NEGR1: variants seen among roughly 807,000 people sequenced by gnomAD.
NEGR1 encodes the protein neuronal growth regulator 1.
In NEGR1, 10 loss-of-function variants were observed where a neutral mutation model predicts 40.9. The observed-to-expected ratio is 0.24, with a 90% CI of 0.15 to 0.42. The LOEUF (loss-of-function observed/expected upper bound fraction) is 0.42. Ranked by LOEUF, NEGR1 falls within the 10% of genes least tolerant of loss-of-function variation. The pLI, the probability that NEGR1 is intolerant of heterozygous loss-of-function variation, is 1.00. For missense variants in NEGR1, 352 were observed against 438.9 expected, an observed-to-expected ratio of 0.80 and a Z score of 1.77; for synonymous variants, 185 against 166.8, an observed-to-expected ratio of 1.11 and a Z score of -0.84.
chr1:71,990,104 C>A (rs1646436566), intron 1 of NEGR1, among the ~76,000 whole-genome samples: 1 of 152,222 alleles, frequency 6.6e-6, no homozygotes, highest in South Asian at 2.1e-4. Flanking sequence ...TATGAAAATG[C>A]AGCTGAAATT....
At chr1:71,574,429 C>T (rs1479194001) in intron 6 of NEGR1, among the ~76,000 whole-genome samples, 1 of 152,106 alleles carries the variant, frequency 6.6e-6, no homozygotes, top group Non-Finnish European at 1.5e-5. Context: ...TTTCTACAGT[C>T]TTTTTTAGCA....
At chr1:71,857,725 T>C (rs2101819692) in intron 2 of NEGR1, among the ~76,000 whole-genome samples, 1 of 151,398 alleles carries the variant, frequency 6.6e-6, no homozygotes, top group Non-Finnish European at 1.5e-5. Context: ...AATAAAGCTC[T>C]ACAGAAATAT....
At chr1:72,201,696 A>G (rs778649756) in intron 1 of NEGR1, among the ~76,000 whole-genome samples, 6 of 151,868 alleles carry the variant, frequency 4.0e-5, no homozygotes, top group Non-Finnish European at 5.9e-5. Flanking sequence ...GTGTCTTAGA[A>G]TCAGTGAAAT....
chr1:71,868,437 AGATAGAT>A (rs1360352935), intron 2 of NEGR1, among the ~76,000 whole-genome samples: 1 of 44,632 alleles, frequency 2.2e-5, no homozygotes, highest in Non-Finnish European at 4.4e-5. Context: ...AGATGATAGA[AGATAGAT>A]AGATAGATAG....
chr1:72,000,426 A>G (rs1033154383), intron 1 of NEGR1, among the ~76,000 whole-genome samples: 2 of 150,970 alleles, frequency 1.3e-5, no homozygotes, highest in Non-Finnish European at 3.0e-5. Context: ...GGCAAAATAT[A>G]AAAAAAAATG....
At chr1:71,745,636 C>T (rs954860791) in intron 3 of NEGR1, among the ~76,000 whole-genome samples, 1 of 152,088 alleles carries the variant, frequency 6.6e-6, no homozygotes, top group African/African-American at 2.4e-5. Context: ...AAGTTTCAGA[C>T]CAGGGAATGA....
chr1:71,797,270 T>C (rs1657367513), intron 2 of NEGR1, among the ~76,000 whole-genome samples: 1 of 152,130 alleles, frequency 6.6e-6, no homozygotes, highest in African/African-American at 2.4e-5. Context: ...ACCAAACTGA[T>C]CATAAGCGGC....
At chr1:71,825,401 T>G (rs1658583139) in intron 2 of NEGR1, among the ~76,000 whole-genome samples, 1 of 151,928 alleles carries the variant, frequency 6.6e-6, no homozygotes, top group African/African-American at 2.4e-5. Flanking sequence ...GTCCCACTTC[T>G]ACACATTTTC....
At chr1:71,688,947 C>T (rs572062279) in intron 4 of NEGR1, among the ~76,000 whole-genome samples, 147 of 152,154 alleles carry the variant, frequency 9.7e-4, no homozygotes, top group Middle Eastern at 3.4e-3. Flanking sequence ...CTAATTTCCC[C>T]AGTATCCCAT....
At chr1:72,052,461 T>C (rs528457264) in intron 1 of NEGR1, among the ~76,000 whole-genome samples, 3 of 151,566 alleles carry the variant, frequency 2.0e-5, no homozygotes, top group South Asian at 4.1e-4. Context: ...TAACCTCTCA[T>C]GGACAGAGCT....
chr1:72,009,869 T>A (rs950033116), intron 1 of NEGR1, among the ~76,000 whole-genome samples: 1 of 151,874 alleles, frequency 6.6e-6, no homozygotes, highest in Non-Finnish European at 1.5e-5. Flanking sequence ...TGTGGGGAAA[T>A]AGCTAAATAC....
At chr1:72,275,649 G>A (rs564465496) in intron 1 of NEGR1, among the ~76,000 whole-genome samples, 2 of 152,190 alleles carry the variant, frequency 1.3e-5, no homozygotes, top group East Asian at 3.9e-4. Flanking sequence ...TTTAACGACA[G>A]TCTTAAATTA....
intron 2 of NEGR1, among the ~76,000 whole-genome samples, chr1:71,803,745 G>C (rs1280850879): frequency 6.6e-6 from 1 of 152,136 alleles, no homozygotes; most frequent in East Asian, 1.9e-4. Context: ...AGTCTTCATA[G>C]AACATACCAC....
chr1:72,240,623 G>A lies in NEGR1; in HGVS notation c.176+41696C>T, dbSNP rs1654701909. 2.0e-5 allele frequency among the ~76,000 whole-genome samples: 3 copies of A among 151,800 alleles called. No homozygotes were observed. In the Admixed American group the frequency reaches 2.0e-4, roughly 10 times the overall value. ...GGAAGTGGCCCAATCAAAGCAAACT[G>A]GACCAGTCAAGAGCAATGATCATGA... On this transcript the variant is annotated intron_variant, in intron 1 of 6. Transcript: ENST00000357731.
intron 1 of NEGR1, among the ~76,000 whole-genome samples, chr1:72,172,775 T>A (rs895797601): frequency 6.6e-6 from 1 of 152,052 alleles, no homozygotes; most frequent in African/African-American, 2.4e-5. Flanking sequence ...GGAATCTGTT[T>A]CCTTGTGTTT....
intron 1 of NEGR1, among the ~76,000 whole-genome samples, chr1:72,098,653 C>G (rs1331257722): frequency 6.6e-6 from 1 of 152,084 alleles, no homozygotes; most frequent in African/African-American, 2.4e-5. Context: ...TCTCATTTTC[C>G]TATTTTGAGT....
At chr1:71,463,905 A>G (rs1646729083) in intron 6 of NEGR1, among the ~76,000 whole-genome samples, 1 of 152,124 alleles carries the variant, frequency 6.6e-6, no homozygotes. Context: ...ATGATACTAA[A>G]ATAAATAAAT....
intron 2 of NEGR1, among the ~76,000 whole-genome samples, chr1:71,875,516 A>G (rs1016173634): frequency 6.6e-6 from 1 of 152,154 alleles, no homozygotes; most frequent in South Asian, 2.1e-4. Context: ...TTTAACAGGG[A>G]TGCTGAAACT....
At chr1:71,633,370 A>G (rs931077258) in intron 4 of NEGR1, among the ~76,000 whole-genome samples, 14 of 152,236 alleles carry the variant, frequency 9.2e-5, no homozygotes, top group African/African-American at 2.9e-4. Context: ...GAGCAATTCC[A>G]AAAGCTCACT....
Sources: allele counts gnomAD v4.1 joint callset (sites outside exome capture counted in the v4.1 genomes callset), GRCh38; gene constraint gnomAD v4.1.1; transcripts MANE v1.5; gene names NCBI Gene and HGNC (gene_info 2026-07-23, HGNC 2026-07-21).